The following FCHSD2 variants were observed in gnomAD, a reference collection of about 807,000 sequenced individuals.
FCHSD2 encodes the protein F-BAR and double SH3 domains protein 2.
Under a neutral mutation model 108.1 loss-of-function variants are expected in FCHSD2, and 38 were observed. That is an observed-to-expected ratio of 0.35 (90% CI 0.27 to 0.46). The LOEUF (loss-of-function observed/expected upper bound fraction) is 0.46, where lower values mean the gene tolerates loss of function less well. FCHSD2 is among the 20% of genes least tolerant of loss of function. The probability of loss-of-function intolerance (pLI) is 1.00; values close to 1 mark genes in which losing one functional copy is unlikely to be tolerated. For synonymous variants in FCHSD2, 279 were observed against 314.7 expected (o/e 0.89, Z 1.20); for missense variants, 751 against 897.8 (o/e 0.84, Z 2.09).
intron 3 of FCHSD2, among the ~76,000 whole-genome samples, chr11:73,043,218 G>A (rs1353371651): frequency 6.6e-6 from 1 of 152,110 alleles, no homozygotes; most frequent in Non-Finnish European, 1.5e-5. Context: ...TTTTGCTGAG[G>A]TATGTTCTTT....
intron 9 of FCHSD2, among the ~76,000 whole-genome samples, chr11:72,903,368 C>T (rs1302696812): frequency 1.3e-5 from 2 of 152,138 alleles, no homozygotes; most frequent in Non-Finnish European, 2.9e-5. Flanking sequence ...AGGCGCCCGC[C>T]ACTGCGCCCA....
chr11:73,090,601 G>C (rs1312759016), intron 2 of FCHSD2, among the ~76,000 whole-genome samples: 1 of 152,086 alleles, frequency 6.6e-6, no homozygotes, highest in Non-Finnish European at 1.5e-5. Context: ...GGTTCCCTTA[G>C]AAATCACTGT....
At chr11:72,900,226 C>T in intron 10 of FCHSD2, 1 of 557,278 alleles carries the variant, frequency 1.8e-6, no homozygotes, top group Non-Finnish European at 3.5e-6. Context: ...CACTTCCCAT[C>T]CCTCCCGCCC....
intron 2 of FCHSD2, among the ~76,000 whole-genome samples, chr11:73,123,713 T>G (rs1200697737): frequency 5.9e-5 from 9 of 152,280 alleles, no homozygotes; most frequent in African/African-American, 1.9e-4. Flanking sequence ...CTTCAAAACA[T>G]CACAGAGGCT....
At chr11:72,959,515 G>A (rs1036265908) in intron 8 of FCHSD2, among the ~76,000 whole-genome samples, 5 of 151,672 alleles carry the variant, frequency 3.3e-5, no homozygotes, top group African/African-American at 7.3e-5. Flanking sequence ...GATAACAGGC[G>A]TGAGCCACCA....
intron 8 of FCHSD2, among the ~76,000 whole-genome samples, chr11:72,961,912 G>A (rs956299928): frequency 7.2e-5 from 11 of 152,064 alleles, no homozygotes; most frequent in South Asian, 6.2e-4. Context: ...GCCACATTTC[G>A]TAACAAGAAA....
At chr11:73,043,511 G>T (rs1858689993) in intron 3 of FCHSD2, among the ~76,000 whole-genome samples, 1 of 152,092 alleles carries the variant, frequency 6.6e-6, no homozygotes, top group African/African-American at 2.4e-5. Context: ...AACTTTTATT[G>T]TTGTCTTTAA....
At chr11:72,882,150 AAG>A (rs1194596742) in intron 12 of FCHSD2, among the ~76,000 whole-genome samples, 7 of 145,426 alleles carry the variant, frequency 4.8e-5, no homozygotes, top group Admixed American at 3.5e-4. Flanking sequence ...CTCAAAAAAA[AAG>A]AGAGCAGAGG....
chr11:72,941,073 G>T, intron 8 of FCHSD2: 1 of 616,096 alleles, frequency 1.6e-6, no homozygotes, highest in South Asian at 1.8e-5. Flanking sequence ...GGGCAGCTTA[G>T]AGAAGGCGCA....
intron 5 of FCHSD2, among the ~76,000 whole-genome samples, chr11:72,990,682 C>T (rs1374257219): frequency 6.6e-6 from 1 of 152,106 alleles, no homozygotes; most frequent in East Asian, 1.9e-4. Flanking sequence ...CACAACATAC[C>T]AGAATCTCTG....
intron 10 of FCHSD2, 116 bp from the exon 11 acceptor site, chr11:72,890,061 C>T (rs1855282434): frequency 1.6e-6 from 1 of 631,142 alleles, no homozygotes; most frequent in South Asian, 1.9e-5. Flanking sequence ...ATGAGGCACG[C>T]TCCACTACTG....
At chr11:73,111,761 T>A (rs1004065778) in intron 2 of FCHSD2, among the ~76,000 whole-genome samples, 3 of 152,164 alleles carry the variant, frequency 2.0e-5, no homozygotes, top group African/African-American at 7.2e-5. Context: ...GTATCTGTTA[T>A]ATGATTTTTG....
intron 12 of FCHSD2, among the ~76,000 whole-genome samples, chr11:72,884,249 T>A (rs1855150706): frequency 6.6e-6 from 1 of 152,108 alleles, no homozygotes. Flanking sequence ...ACACAGTTAA[T>A]GGGTCAATCT....
chr11:73,106,607 T>TAG (rs943528521), intron 2 of FCHSD2, among the ~76,000 whole-genome samples: 8 of 151,878 alleles, frequency 5.3e-5, no homozygotes, highest in Non-Finnish European at 1.5e-5. Flanking sequence ...TCATGAAACT[T>TAG]ATTGATAAAT....
chr11:73,024,364 C>T (rs72982862), intron 3 of FCHSD2, among the ~76,000 whole-genome samples: 15 of 152,058 alleles, frequency 9.9e-5, no homozygotes, highest in South Asian at 4.2e-4. Context: ...AGAAACTGTA[C>T]GACTAAAGAC....
At chr11:73,109,992 C>T (rs1860443322) in intron 2 of FCHSD2, among the ~76,000 whole-genome samples, 1 of 152,072 alleles carries the variant, frequency 6.6e-6, no homozygotes, top group African/African-American at 2.4e-5. Context: ...ATCATACTGA[C>T]TGATTTGCAT....
intron 8 of FCHSD2, among the ~76,000 whole-genome samples, chr11:72,932,389 C>A (rs546054576): frequency 6.6e-6 from 1 of 152,290 alleles, no homozygotes; most frequent in African/African-American, 2.4e-5. Flanking sequence ...CTACTCATCA[C>A]ATTTAGGAAA....
chr11:72,888,690 C>T (rs1170207698), intron 11 of FCHSD2, among the ~76,000 whole-genome samples: 1 of 151,316 alleles, frequency 6.6e-6, no homozygotes, highest in Admixed American at 6.6e-5. Flanking sequence ...ATGATCTTAC[C>T]TCAATGTAAC....
chr11:73,137,692 G>T (rs1861150716), intron 2 of FCHSD2, among the ~76,000 whole-genome samples: 2 of 152,208 alleles, frequency 1.3e-5, no homozygotes, highest in Admixed American at 1.3e-4. Context: ...TCAAGAATTT[G>T]TCAGGTGAAA....
Sources: allele counts gnomAD v4.1 joint callset (sites outside exome capture counted in the v4.1 genomes callset), GRCh38; gene constraint gnomAD v4.1.1; transcripts MANE v1.5; gene names NCBI Gene and HGNC (gene_info 2026-07-23, HGNC 2026-07-21).